The following ZMYM1 variants were observed in gnomAD, a reference collection of about 807,000 sequenced individuals.
The protein encoded by ZMYM1 is zinc finger MYM-type containing 1, also known as zinc finger MYM-type protein 1.
In ZMYM1, 39 loss-of-function variants were observed where a neutral mutation model predicts 60.0. The observed-to-expected ratio is 0.65, with a 90% CI of 0.50 to 0.85. The LOEUF (loss-of-function observed/expected upper bound fraction) is 0.85, where lower values mean the gene tolerates loss of function less well. ZMYM1 is among the 40% of genes least tolerant of loss of function. The pLI, the probability that ZMYM1 is intolerant of heterozygous loss-of-function variation, is 0.00. For missense variants in ZMYM1, 1,171 were observed against 1,309.5 expected (o/e 0.89, Z 1.63); for synonymous variants, 413 against 454.0 (o/e 0.91, Z 1.15).
At chr1:35,109,683 C>G (rs1644019428) in intron 6 of ZMYM1, among the ~76,000 whole-genome samples, 2 of 152,078 alleles carry the variant, frequency 1.3e-5, no homozygotes, top group Non-Finnish European at 2.9e-5. Flanking sequence ...CTATATAAGG[C>G]CTTTGTTTAT....
At chr1:35,105,965 G>A (rs1176748348) in intron 6 of ZMYM1, among the ~76,000 whole-genome samples, 1 of 152,132 alleles carries the variant, frequency 6.6e-6, no homozygotes, top group African/African-American at 2.4e-5. Context: ...AATCAAGAAT[G>A]TCACATGTGG....
At chr1:35,086,926 A>T (rs1642685328) in intron 1 of ZMYM1, among the ~76,000 whole-genome samples, 2 of 132,430 alleles carry the variant, frequency 1.5e-5, no homozygotes, top group African/African-American at 6.0e-5. Context: ...CCTGTGATCC[A>T]CCCACCTCAG....
upstream of ZMYM1, among the ~76,000 whole-genome samples, chr1:35,076,939 AAAAAAAAAAAAG>A (rs1642178168): frequency 6.8e-6 from 1 of 147,990 alleles, no homozygotes; most frequent in South Asian, 2.1e-4. Flanking sequence ...CTGTCTCAAA[AAAAAAAAAAAAG>A]AAAAGAAAAG....
In ZMYM1 at chr1:35,104,366, G is replaced by A. The variant is rs1317108119; in HGVS notation, c.491G>A (p.Ser164Asn). ...EDTTSCKTFC[S>N]LSCLSSYEEK... is the part of the protein sequence containing the mutation. ...ACTACCTCTTGCAAAACTTTTTGCA[G>A]CCTATCTTGTCTTTCATCATATGAA... is the stretch of plus-strand genomic sequence containing the variant. The change falls in exon 5 of 10, where the codon AGC becomes AAC. Residue 164 changes from serine (S) to asparagine (N), a missense_variant. Ser to Asn is a conservative substitution (Grantham distance 46). Coordinates refer to ENST00000359858, the MANE Select transcript of ZMYM1 (RefSeq NM_024772.5). 1.9e-6 allele frequency: 3 copies of A among 1,612,312 alleles called. No homozygotes were observed. The South Asian group carries it at 3.3e-5, about 18-fold the overall frequency.
At chr1:35,104,080 A>G (rs140760569) in intron 4 of ZMYM1, among the ~76,000 whole-genome samples, 1 of 152,330 alleles carries the variant, frequency 6.6e-6, no homozygotes, top group East Asian at 1.9e-4. Flanking sequence ...TTAAAAAACA[A>G]AACTGCACTA....
At chr1:35,074,469 C>T (rs891091062), upstream of ZMYM1, among the ~76,000 whole-genome samples, 5 of 151,892 alleles carry the variant, frequency 3.3e-5, no homozygotes, top group African/African-American at 9.7e-5. Context: ...AGTGCAGTGG[C>T]GCCGTCTTGG....
chr1:35,112,239 G>A (rs183018630), intron 9 of ZMYM1, 109 bp downstream of exon 9: 57 of 1,096,930 alleles, frequency 5.2e-5, no homozygotes, highest in Non-Finnish European at 7.0e-5. Flanking sequence ...GTGCAGTGGC[G>A]TGATCTCAGC....
At chr1:35,081,633 A>C (rs867005623) in intron 1 of ZMYM1, among the ~76,000 whole-genome samples, 3 of 152,172 alleles carry the variant, frequency 2.0e-5, no homozygotes, top group African/African-American at 7.2e-5. Context: ...TTTGATATTT[A>C]TGATGCTGCA....
intron 9 of ZMYM1, among the ~76,000 whole-genome samples, chr1:35,112,557 TTGTATATAATATAAATATATTATAA>T (rs1433589494): frequency 2.3e-4 from 23 of 101,678 alleles, no homozygotes; most frequent in Admixed American, 4.7e-4. Flanking sequence ...TTATAATATA[TTGTATATAATATAAATATATTATAA>T]TGTATATTTA....
chr1:35,097,805 C>T (rs779545286), intron 4 of ZMYM1: 110 of 488,000 alleles, frequency 2.3e-4, no homozygotes, highest in Middle Eastern at 5.8e-4. Context: ...CCACCACGCC[C>T]GGCTAATTTT....
At chr1:35,063,341 T>C (rs1430540787) in intron 1 of ZMYM1, among the ~76,000 whole-genome samples, 1 of 152,112 alleles carries the variant, frequency 6.6e-6, no homozygotes, top group East Asian at 1.9e-4. Flanking sequence ...AGGGTCTTGC[T>C]CTGTCACCCA....
chr1:35,072,131 T>C (rs1486818111), intron 1 of ZMYM1, among the ~76,000 whole-genome samples: 1 of 152,160 alleles, frequency 6.6e-6, no homozygotes, highest in East Asian at 1.9e-4. Context: ...AGAAACTCCA[T>C]GTCAAAAAAT....
In ZMYM1 at chr1:35,111,910, A is replaced by G. The variant is rs769257689; in HGVS notation, c.1100A>G (p.Gln367Arg). 21 of 1,585,402 alleles carry G rather than the reference A, an allele frequency of 1.3e-5. No individual in the cohort carries two copies. The African/African-American group carries it at 1.9e-4, about 14-fold the overall frequency. ...CCCATCATGAACACTGATGTCTTAC[A>G]AGGTAAAAGTTGATGTTAAGATATT... ...ALPIMNTDVL[Q>R]DTVSSVTATA... is the part of the protein sequence containing the mutation. Residue 367 changes from glutamine (Q) to arginine (R), a missense_variant and splice_region_variant, in exon 8 of 10, where the codon CAA (glutamine) becomes CGA (arginine). Coordinates refer to ENST00000359858, the MANE Select transcript of ZMYM1 (RefSeq NM_024772.5).
chr1:35,073,693 AGGAG>A (rs930409598), intron 1 of ZMYM1, among the ~76,000 whole-genome samples: 11 of 149,780 alleles, frequency 7.3e-5, no homozygotes, highest in African/African-American at 2.0e-4. Flanking sequence ...AAGGAAGGAA[AGGAG>A]GGAGGGAGGA....
rs762471408 is a variant in ZMYM1 at position 35,111,897 on chromosome 1, A to C, written c.1087A>C (p.Thr363Pro). ...CGATGTTGCCTTGCCCATCATGAAC[A>C]CTGATGTCTTACAAGGTAAAAGTTG... is the stretch of plus-strand genomic sequence containing the variant. ...DTDVALPIMN[T>P]DVLQDTVSSV... Residue 363 changes from threonine to proline, a missense_variant, in exon 8 of 10, where the codon ACT becomes CCT. Physicochemically the swap from Thr to Pro is conservative, Grantham distance 38. Transcript: ENST00000359858. 3.6e-5 allele frequency: 57 copies of C among 1,591,078 alleles called. No homozygotes were observed. The highest frequency in any genetic ancestry group is 4.5e-5 in the Non-Finnish European group (52 of 1,166,590).
intron 1 of ZMYM1, among the ~76,000 whole-genome samples, chr1:35,088,449 T>TATAC (rs1642791583): frequency 9.6e-6 from 1 of 104,710 alleles, no homozygotes; most frequent in Non-Finnish European, 1.8e-5. Flanking sequence ...TATATATATA[T>TATAC]ATATATGTGT....
intron 1 of ZMYM1, among the ~76,000 whole-genome samples, chr1:35,070,300 C>T (rs1028978119): frequency 1.9e-4 from 29 of 151,584 alleles, no homozygotes; most frequent in Non-Finnish European, 1.5e-5. Flanking sequence ...AGAGATCTTT[C>T]ACCACCTTAA....
chr1:35,079,421 G>GGT lies in ZMYM1; in HGVS notation c.-95_-94insTG, dbSNP rs61645515. The GGT allele has an allele frequency of 6.6e-6, 1 of 152,226 alleles. No homozygotes were observed. The highest frequency in any genetic ancestry group is 1.5e-5 in the Non-Finnish European group (1 of 68,092). The allele number at this position is 152,226 out of a possible 1,614,324, so 9.4% of individuals were successfully genotyped here. Reference sequence around the variant, plus strand: ...GAAGATTGTTTCAGAAGCGTTGGGCGGGGCGTCCCTGAGAGAAATTAGTAA... The same window carrying GGT: ...GAAGATTGTTTCAGAAGCGTTGGGCGGTGGGCGTCCCTGAGAGAAATTAGTAA... On this transcript the variant is annotated 5_prime_UTR_variant, in exon 1 of 10. Transcript: ENST00000359858.
chr1:35,080,142 T>A (rs1165997393), intron 1 of ZMYM1, among the ~76,000 whole-genome samples: 1 of 152,170 alleles, frequency 6.6e-6, no homozygotes, highest in African/African-American at 2.4e-5. Context: ...AAGCACAGTT[T>A]GAACGCTGCT....
Sources: allele counts gnomAD v4.1 joint callset (sites outside exome capture counted in the v4.1 genomes callset), GRCh38; gene constraint gnomAD v4.1.1; transcripts MANE v1.5; gene names NCBI Gene and HGNC (gene_info 2026-07-23, HGNC 2026-07-21).